TET1: variants seen among roughly 807,000 people sequenced by gnomAD.
TET1 encodes the protein methylcytosine dioxygenase TET1.
A neutral mutation model predicts 148.7 loss-of-function variants in TET1; 13 were observed. The ratio of observed to expected loss-of-function variants is 0.09; its 90% CI spans 0.06 to 0.14. The LOEUF is 0.14. TET1 is among the 10% of genes least tolerant of loss of function. The pLI, the probability that TET1 is intolerant of heterozygous loss-of-function variation, is 1.00. For synonymous variants in TET1, 907 were observed against 937.2 expected, an observed-to-expected ratio of 0.97 and a Z score of 0.59; for missense variants, 2,182 against 2,553.8, an observed-to-expected ratio of 0.85 and a Z score of 3.14.
At chr10:68,659,188 G>A (rs2055068983) in intron 6 of TET1, among the ~76,000 whole-genome samples, 1 of 152,214 alleles carries the variant, frequency 6.6e-6, no homozygotes, top group African/African-American at 2.4e-5. Flanking sequence ...AATGGCAGAA[G>A]TAGGTAGAAG....
intron 3 of TET1, among the ~76,000 whole-genome samples, chr10:68,606,606 C>CAA (rs56765031): frequency 2.3e-3 from 317 of 140,420 alleles, no homozygotes; most frequent in African/African-American, 7.7e-3. Flanking sequence ...AAAACAAAAA[C>CAA]AAAAAAAAAA....
At position 68,578,157 on chromosome 10, in the gene TET1, G is replaced by A. The variant is rs908098820; in HGVS notation, c.1914+3905G>A. ...TGAGAGAGGCCAATGTATGCTGGGC[G>A]CGGTGGCTGGCAAGAGGATTGCTTG... On this transcript the variant is annotated intron_variant, in intron 2 of 11. Coordinates refer to ENST00000373644, the MANE Select transcript of TET1 (RefSeq NM_030625.3). Among the ~76,000 whole-genome samples, 4 of 152,138 alleles carry A rather than the reference G, an allele frequency of 2.6e-5. No individual in the cohort carries two copies. In the South Asian group the frequency reaches 6.2e-4, roughly 24 times the overall value.
chr10:68,661,632 C>A (rs1429654906), intron 6 of TET1, among the ~76,000 whole-genome samples: 1 of 151,820 alleles, frequency 6.6e-6, no homozygotes, highest in African/African-American at 2.4e-5. Flanking sequence ...CATAGGCACT[C>A]ACCACCATGC....
chr10:68,691,254 G>C lies in TET1; in HGVS notation c.5851G>C (p.Asp1951His). 3.1e-6 allele frequency: 5 copies of C among 1,614,062 alleles called. 1 individual carries two copies. The highest frequency in any genetic ancestry group is 2.5e-6 in the Non-Finnish European group (3 of 1,180,024). Residue 1951 changes from aspartate (D) to histidine (H), a missense_variant, in exon 12 of 12, where the codon GAC becomes CAC. Asp to His is a moderately conservative substitution (Grantham distance 81, BLOSUM62 -1). Transcript: ENST00000373644. The surrounding 1 kb of genome is among the most constrained non-coding windows in gnomAD (Gnocchi z 4.4). ...HQPSFLTSPQ[D>H]LASSPMEEDE... The stretch of plus-strand genomic sequence containing the variant: ...GCCCTCCTTCCTCACCTCTCCTCAA[G>C]ACCTTGCCTCTTCTCCAATGGAAGA...
At chr10:68,635,099 A>G (rs1373248228) in intron 3 of TET1, among the ~76,000 whole-genome samples, 2 of 150,128 alleles carry the variant, frequency 1.3e-5, no homozygotes, top group Non-Finnish European at 3.0e-5. Flanking sequence ...GGCGCAATAT[A>G]TATATATAAT....
Position 68,647,016 on chromosome 10 carries a change from G to T in TET1, c.4276+11G>T. 1 of 1,591,728 alleles carries T rather than the reference G, an allele frequency of 6.3e-7. No individual in the cohort carries two copies. The highest frequency in any genetic ancestry group is 1.8e-5 in the Admixed American group (1 of 56,550). On this transcript the variant is annotated intron_variant, in intron 4 of 11. Coordinates refer to ENST00000373644, the MANE Select transcript of TET1 (RefSeq NM_030625.3). ...CCTGCAGCTGTCTTGGTGAGTACTTGTGTGCATGTGTTCTTATTTCACCTG... is the reference window on the plus strand; with the variant it reads ...CCTGCAGCTGTCTTGGTGAGTACTTTTGTGCATGTGTTCTTATTTCACCTG...
At chr10:68,609,412 C>T (rs1316342919) in intron 3 of TET1, among the ~76,000 whole-genome samples, 9 of 152,030 alleles carry the variant, frequency 5.9e-5, no homozygotes, top group South Asian at 2.1e-4. Context: ...CCACCCTCCT[C>T]GGCCTCCCAA....
chr10:68,662,150 G>A (rs1654088020), intron 6 of TET1, among the ~76,000 whole-genome samples: 1 of 137,506 alleles, frequency 7.3e-6, no homozygotes, highest in Non-Finnish European at 1.6e-5. Flanking sequence ...GCTGGGACAG[G>A]CTTGAACCAC....
rs772124361 is a variant in TET1, at chr10:68,572,679, G to C, written c.341G>C (p.Arg114Pro). ...MALRSTSLSR[R>P]LSQPPLVVAK... Reference sequence around the variant, plus strand: ...CTACGAAGCACCTCTCTTAGCAGGCGACTCTCCCAACCCCCACTGGTCGTA... The same window carrying C: ...CTACGAAGCACCTCTCTTAGCAGGCCACTCTCCCAACCCCCACTGGTCGTA... The change falls in exon 2 of 12, where the codon CGA becomes CCA. Residue 114 changes from arginine (R) to proline (P), a missense_variant. By Grantham distance (103) the Arg-to-Pro change is moderately radical. Transcript: ENST00000373644. 6.2e-7 allele frequency: 1 copy of C among 1,614,098 alleles called. No homozygotes were observed. The highest frequency in any genetic ancestry group is 8.5e-7 in the Non-Finnish European group (1 of 1,180,032).
At chr10:68,673,510 C>G (rs1369263950) in intron 8 of TET1, 3 of 337,740 alleles carry the variant, frequency 8.9e-6, no homozygotes, top group Non-Finnish European at 1.8e-5. Context: ...ATTAGTCGAA[C>G]TTGGTGTTAA....
chr10:68,594,870 T>C (rs2053959793), intron 2 of TET1, among the ~76,000 whole-genome samples: 1 of 151,056 alleles, frequency 6.6e-6, no homozygotes, highest in Non-Finnish European at 1.5e-5. Flanking sequence ...TCCCAGGTAC[T>C]CAGGAGCCTG....
intron 7 of TET1, among the ~76,000 whole-genome samples, chr10:68,668,762 G>A (rs1036223189): frequency 2.0e-5 from 3 of 152,120 alleles, no homozygotes; most frequent in Non-Finnish European, 4.4e-5. Flanking sequence ...GACCACTTAA[G>A]GCCAAGAGTT....
intron 3 of TET1, among the ~76,000 whole-genome samples, chr10:68,641,821 C>T (rs12262972): frequency 0.045 from 6,777 of 152,028 alleles, 486 homozygotes; most frequent in African/African-American, 0.15. Flanking sequence ...TTTATTGAGA[C>T]GATGTCTCAT....
At chr10:68,624,485 C>A (rs1306469211) in intron 3 of TET1, among the ~76,000 whole-genome samples, 2 of 151,952 alleles carry the variant, frequency 1.3e-5, no homozygotes, top group African/African-American at 4.8e-5. Context: ...GGCAGGGTTT[C>A]TCCATGTTGG....
chr10:68,646,824 A>C lies in TET1; in HGVS notation c.4095A>C (p.Thr1365=). ...ATGTAGTGTGTTCAGGTGGAATTAC[A>C]GTGGTTTCTACCAAAAGTGAAGAGG... The part of the protein sequence containing the change: ...NVNVVCSGGI[T]VVSTKSEEEV... The change falls in exon 4 of 12, where the codon ACA becomes ACC. Residue 1365 remains threonine, a synonymous_variant. Coordinates refer to ENST00000373644, the MANE Select transcript of TET1 (RefSeq NM_030625.3). 2 of 1,614,204 alleles carry C rather than the reference A, an allele frequency of 1.2e-6. No homozygotes were observed. The highest frequency in any genetic ancestry group is 1.7e-6 in the Non-Finnish European group (2 of 1,180,042).
chr10:68,641,471 CATTTATTTATTT>C (rs35059085), intron 3 of TET1, among the ~76,000 whole-genome samples: 29 of 148,244 alleles, frequency 2.0e-4, no homozygotes, highest in Non-Finnish European at 3.9e-4. Context: ...AGGAGGTTAC[CATTTATTTATTT>C]ATTTATTTAT....
At chr10:68,661,603 C>G (rs2055116046) in intron 6 of TET1, among the ~76,000 whole-genome samples, 1 of 151,444 alleles carries the variant, frequency 6.6e-6, no homozygotes, top group Non-Finnish European at 1.5e-5. Context: ...CCTTCCTCAG[C>G]CTCCCAAGGA....
chr10:68,563,774 G>A (rs1047047785), intron 1 of TET1, among the ~76,000 whole-genome samples: 6 of 152,130 alleles, frequency 3.9e-5, no homozygotes, highest in Admixed American at 2.6e-4. Flanking sequence ...CTCTGCCTCC[G>A]GGGTTCAAGC....
intron 1 of TET1, among the ~76,000 whole-genome samples, chr10:68,571,890 T>C (rs1196569577): frequency 1.3e-5 from 2 of 151,854 alleles, no homozygotes; most frequent in Admixed American, 1.3e-4. Flanking sequence ...GAGGCCAAGG[T>C]GGGTGGATGG....
Sources: gnomAD v4.1 joint callset for allele counts (sites outside exome capture counted in the v4.1 genomes callset) on GRCh38, gnomAD v4.1.1 for gene constraint, Gnocchi (gnomAD v3.1) non-coding constraint, MANE v1.5 for transcripts, NCBI Gene and HGNC (gene_info 2026-07-23, HGNC 2026-07-21) for gene names.